The following PCDHGB7 variants were observed in gnomAD, a reference collection of about 807,000 sequenced individuals.
PCDHGB7 encodes the protein protocadherin gamma-B7.
Under a neutral mutation model 61.4 loss-of-function variants are expected in PCDHGB7, and 37 were observed. The observed-to-expected ratio is 0.60, with a 90% CI of 0.46 to 0.79. The LOEUF (loss-of-function observed/expected upper bound fraction) is 0.79. PCDHGB7 is among the 30% of genes least tolerant of loss of function. The pLI is 0.00. For missense variants in PCDHGB7, 1,166 were observed against 1,202.5 expected (o/e 0.97, Z 0.45); for synonymous variants, 464 against 503.5 (o/e 0.92, Z 1.05).
rs545524357 is a variant in PCDHGB7, at chr5:141,467,902, G to A, written c.2416-26905G>A. ...TCAAACTCCTGAGCTCAAGAAATCC[G>A]CCCACCTCAGCCTCCCAAAATGCTA... On this transcript the variant is annotated intron_variant, in intron 1 of 3. Coordinates refer to ENST00000398594, the MANE Select transcript of PCDHGB7 (RefSeq NM_018927.4). 1.1e-4 allele frequency among the ~76,000 whole-genome samples: 16 copies of A among 151,862 alleles called. No homozygotes were observed. The East Asian group carries it at 2.3e-3, about 22-fold the overall frequency.
In PCDHGB7 at chr5:141,431,746, G is replaced by C. The variant is rs780453684; in HGVS notation, c.2415+11472G>C. 6.2e-7 allele frequency: 1 copy of C among 1,614,062 alleles called. No individual in the cohort carries two copies. Among genetic ancestry groups the C allele is most frequent in the African/African-American group, 1.3e-5 (1 of 74,932 alleles). On this transcript the variant is annotated intron_variant, in intron 1 of 3. Transcript: ENST00000398594. The surrounding 1 kb of genome is among the most constrained non-coding windows in gnomAD (Gnocchi z 4.8). ...CAATGGATAATGCAGGATATTCTGC[G>C]CGAGCCAAAGTCCTGATCACTGTTC... is the stretch of plus-strand genomic sequence containing the variant.
In PCDHGB7 at chr5:141,491,250, C is replaced by T. The variant is rs1328621598; in HGVS notation, c.2416-3557C>T. The T allele has an allele frequency of 6.2e-7, 1 of 1,614,148 alleles. No individual in the cohort carries two copies. Among genetic ancestry groups the T allele is most frequent in the South Asian group, 1.1e-5 (1 of 91,092 alleles). ...TGCTGCTGGTTCTGGAGGATGAGGA[C>T]CCTGAGGAAATGCCCAAATCCAGTG... On this transcript the variant is annotated intron_variant, in intron 1 of 3. Transcript: ENST00000398594. The surrounding 1 kb of genome is among the most constrained non-coding windows in gnomAD (Gnocchi z 6.9).
rs2096166388 is a variant in PCDHGB7, at chr5:141,417,830, G to C, written c.-30G>C. On this transcript the variant is annotated 5_prime_UTR_variant, in exon 1 of 4. Transcript: ENST00000398594. ...GAGTGCACTTTCTCCAACTGGAAAA[G>C]CGGGGACCCAGCGAGAACCCGAGCG... 1 of 1,527,028 alleles carries C rather than the reference G, an allele frequency of 6.5e-7. No individual in the cohort carries two copies. The highest frequency in any genetic ancestry group is 1.4e-5 in the African/African-American group (1 of 72,376). The allele number at this position is 1,527,028 out of a possible 1,614,324, so 94.6% of individuals were successfully genotyped here.
chr5:141,508,241 T>G (rs1475142426), intron 3 of PCDHGB7: 2 of 152,286 alleles, frequency 1.3e-5, no homozygotes, highest in East Asian at 3.9e-4. Context: ...CTCCTAAGTC[T>G]GCCTCTCCTG....
chr5:141,420,975 G>A, intron 1 of PCDHGB7: 2 of 458,946 alleles, frequency 4.4e-6, no homozygotes, highest in South Asian at 4.2e-5. Context: ...TAATAAGAAT[G>A]GGCTCTAGGC....
chr5:141,435,614 C>A, intron 1 of PCDHGB7, among the ~76,000 whole-genome samples: 1 of 152,056 alleles, frequency 6.6e-6, no homozygotes, highest in East Asian at 1.9e-4. Flanking sequence ...ACATTAAATT[C>A]CCCATAACTT....
Position 141,429,441 on chromosome 5 carries a change from T to C in PCDHGB7, c.2415+9167T>C, listed in dbSNP as rs541676798. On this transcript the variant is annotated intron_variant, in intron 1 of 3. Transcript: ENST00000398594. ...TGTTGCCCAGGCTGGACTCAAACTCTTGGGCTACAGTAATCCTCCCACCTC... is the reference window on the plus strand; with the variant it reads ...TGTTGCCCAGGCTGGACTCAAACTCCTGGGCTACAGTAATCCTCCCACCTC... 1.5e-4 allele frequency among the ~76,000 whole-genome samples: 23 copies of C among 152,170 alleles called. No individual in the cohort carries two copies. The South Asian group carries it at 4.6e-3, about 30-fold the overall frequency.
chr5:141,422,876 G>A (rs2096681830), intron 1 of PCDHGB7: 1 of 1,614,248 alleles, frequency 6.2e-7, no homozygotes, highest in Non-Finnish European at 8.5e-7. Context: ...GTGTCGCTGA[G>A]CCTGTTCGTG....
At chr5:141,427,228 T>C (rs2097002884) in intron 1 of PCDHGB7, 1 of 456,550 alleles carries the variant, frequency 2.2e-6, no homozygotes, top group South Asian at 1.5e-5. Context: ...AGTTATACCA[T>C]GAGAGTAGAA....
chr5:141,458,933 A>G (rs920768063), intron 1 of PCDHGB7, among the ~76,000 whole-genome samples: 3 of 151,912 alleles, frequency 2.0e-5, no homozygotes, highest in Admixed American at 6.6e-5. Flanking sequence ...GGGTCTCACT[A>G]TGTTGCTTAG....
At position 141,492,138 on chromosome 5, in the gene PCDHGB7, T is replaced by C. The variant is rs577884713; in HGVS notation, c.2416-2669T>C. ...ATTTCTCCCCAGCTCCCAGCATCTG[T>C]GACTTCACTGTTACCCTCCCTATCC... On this transcript the variant is annotated intron_variant, in intron 1 of 3. Coordinates refer to ENST00000398594, the MANE Select transcript of PCDHGB7 (RefSeq NM_018927.4). 2.4e-3 allele frequency among the ~76,000 whole-genome samples: 366 copies of C among 152,312 alleles called. 1 individual carries two copies. Among genetic ancestry groups the C allele is most frequent in the Non-Finnish European group, 3.5e-3 (238 of 68,014 alleles).
In PCDHGB7 at chr5:141,486,172, T is replaced by C; in HGVS notation, c.2416-8635T>C. ...GGGGTTCTCCAGCCATGGAGCAACA[T>C]TGCAGCCTTCGAGTGGATCTGCTGG... On this transcript the variant is annotated intron_variant, in intron 1 of 3. Transcript: ENST00000398594. The surrounding 1 kb of genome is among the most constrained non-coding windows in gnomAD (Gnocchi z 5.0). 3 of 1,614,212 alleles carry C rather than the reference T, an allele frequency of 1.9e-6. No homozygotes were observed. Among genetic ancestry groups the C allele is most frequent in the Admixed American group, 1.7e-5 (1 of 60,036 alleles).
chr5:141,431,884 T>A lies in PCDHGB7; in HGVS notation c.2415+11610T>A. ...CCCTTTTAAATGTAAATGACCAAGA[T>A]TCTGAGGAAAACGGACAGGTGATCT... On this transcript the variant is annotated intron_variant, in intron 1 of 3. Transcript: ENST00000398594. This position sits in a 1 kb window ranked among gnomAD's most constrained non-coding sequence, Gnocchi z 4.8. 1.2e-6 allele frequency: 2 copies of A among 1,614,218 alleles called. No individual in the cohort carries two copies. Among genetic ancestry groups the A allele is most frequent in the Non-Finnish European group, 1.7e-6 (2 of 1,180,008 alleles).
In PCDHGB7 at chr5:141,432,733, C is replaced by T; in HGVS notation, c.2415+12459C>T. 1 of 1,614,094 alleles carries T rather than the reference C, an allele frequency of 6.2e-7. No individual in the cohort carries two copies. Among genetic ancestry groups the T allele is most frequent in the Middle Eastern group, 1.6e-4 (1 of 6,062 alleles). ...GCCAGCCCCCTCTCTCCGCCACTGTCACGCTCACCGTGGCCGTGGCCGACA... is the reference window on the plus strand; with the variant it reads ...GCCAGCCCCCTCTCTCCGCCACTGTTACGCTCACCGTGGCCGTGGCCGACA... On this transcript the variant is annotated intron_variant, in intron 1 of 3. Coordinates refer to ENST00000398594, the MANE Select transcript of PCDHGB7 (RefSeq NM_018927.4). The surrounding 1 kb of genome is among the most constrained non-coding windows in gnomAD (Gnocchi z 6.0).
At chr5:141,427,982 G>A in intron 1 of PCDHGB7, 1 of 1,596,754 alleles carries the variant, frequency 6.3e-7, no homozygotes, top group Non-Finnish European at 8.6e-7. Flanking sequence ...CCGCGCTGGG[G>A]CCCGATGGCT....
chr5:141,431,397 C>A lies in PCDHGB7; in HGVS notation c.2415+11123C>A. ...AAGGCTGCTCACCACCTGGTCCTTA[C>A]GGCCTCCGACGGGGGCGACCCGGTG... On this transcript the variant is annotated intron_variant, in intron 1 of 3. Coordinates refer to ENST00000398594, the MANE Select transcript of PCDHGB7 (RefSeq NM_018927.4). The surrounding 1 kb of genome is among the most constrained non-coding windows in gnomAD (Gnocchi z 4.8). 3.1e-6 allele frequency: 5 copies of A among 1,613,782 alleles called. No individual in the cohort carries two copies. Among genetic ancestry groups the A allele is most frequent in the Non-Finnish European group, 4.2e-6 (5 of 1,180,034 alleles).
intron 3 of PCDHGB7, among the ~76,000 whole-genome samples, chr5:141,510,741 C>A (rs11953770): frequency 1.3e-5 from 2 of 152,138 alleles, no homozygotes; most frequent in Non-Finnish European, 1.5e-5. Context: ...GGAATCAAAC[C>A]TAGACTTTCT....
intron 1 of PCDHGB7, chr5:141,421,800 G>T (rs995129799): frequency 1.2e-6 from 2 of 1,613,728 alleles, no homozygotes. Flanking sequence ...ATGGGGCCAA[G>T]AATCCAGAGC....
intron 1 of PCDHGB7, among the ~76,000 whole-genome samples, chr5:141,443,156 A>G (rs1059029): frequency 0.29 from 44,047 of 151,812 alleles, 7,376 homozygotes; most frequent in African/African-American, 0.47. Flanking sequence ...ACTGCATTTT[A>G]TTTCCCTACC....
Sources: allele counts gnomAD v4.1 joint callset (sites outside exome capture counted in the v4.1 genomes callset), GRCh38; gene constraint gnomAD v4.1.1; non-coding constraint Gnocchi (gnomAD v3.1); transcripts MANE v1.5; gene names NCBI Gene and HGNC (gene_info 2026-07-23, HGNC 2026-07-21).